The following TNRC6A variants were observed in gnomAD, a reference collection of about 807,000 sequenced individuals.
TNRC6A encodes the protein trinucleotide repeat-containing gene 6A protein.
A neutral mutation model predicts 221.2 loss-of-function variants in TNRC6A; 44 were observed. The observed-to-expected ratio is 0.20, with a 90% CI of 0.16 to 0.26. The LOEUF is 0.26. TNRC6A is among the 10% of genes least tolerant of loss of function. The probability of loss-of-function intolerance (pLI) is 1.00; values close to 1 mark genes in which losing one functional copy is unlikely to be tolerated. For synonymous variants in TNRC6A, 847 were observed against 838.5 expected (o/e 1.01, Z -0.18); for missense variants, 2,199 against 2,404.4 (o/e 0.91, Z 1.79).
chr16:24,777,206 A>G lies in TNRC6A; in HGVS notation c.437A>G (p.Lys146Arg), dbSNP rs766518156. 2.5e-6 allele frequency: 4 copies of G among 1,614,186 alleles called. No individual in the cohort carries two copies. The highest frequency in any genetic ancestry group is 1.3e-5 in the African/African-American group (1 of 75,034). Residue 146 changes from lysine to arginine, a missense_variant, in exon 5 of 25, where the codon AAA becomes AGA. Transcript: ENST00000395799. Reference sequence around the variant, plus strand: ...CCACGATTTCGCCACCAGGAACACAAACAGCTTCTAAAGAGGGGTCAGCAT... The same window carrying G: ...CCACGATTTCGCCACCAGGAACACAGACAGCTTCTAAAGAGGGGTCAGCAT... ...VPPRFRHQEH[K>R]QLLKRGQHFP...
chr16:24,612,352 A>T (rs1469838310), intron 1 of TNRC6A, among the ~76,000 whole-genome samples: 1 of 152,166 alleles, frequency 6.6e-6, no homozygotes, highest in Non-Finnish European at 1.5e-5. Flanking sequence ...TCATTAGGTC[A>T]CTTGCTTAAG....
intron 1 of TNRC6A, among the ~76,000 whole-genome samples, chr16:24,639,201 A>T (rs1319655979): frequency 1.3e-5 from 2 of 152,156 alleles, no homozygotes; most frequent in African/African-American, 4.8e-5. Context: ...GATGAGAAAG[A>T]CGGCTGCGTG....
intron 2 of TNRC6A, among the ~76,000 whole-genome samples, chr16:24,675,035 A>C (rs145502559): frequency 0.032 from 4,853 of 152,130 alleles, 275 homozygotes; most frequent in African/African-American, 0.11. Context: ...AGTCCCAGCT[A>C]CTCAGGAGGC....
chr16:24,729,861 G>A lies in TNRC6A; in HGVS notation c.5+15G>A. The stretch of plus-strand genomic sequence containing the variant: ...ACACACATGAGGTGAGCGGAACAAG[G>A]GCCTCCCTCCGGGCGGGAGGAGCCG... On this transcript the variant is annotated intron_variant, in intron 1 of 24. Transcript: ENST00000395799. The A allele has an allele frequency of 6.2e-6, 8 of 1,298,012 alleles. No individual in the cohort carries two copies. Among genetic ancestry groups the A allele is most frequent in the Non-Finnish European group, 7.9e-6 (8 of 1,012,702 alleles). 80.4% of individuals were successfully genotyped at this position (1,298,012 alleles called of 1,614,324 possible).
At chr16:24,699,722 CAAA>C (rs10713054) in intron 2 of TNRC6A, among the ~76,000 whole-genome samples, 3 of 96,498 alleles carry the variant, frequency 3.1e-5, no homozygotes, top group Admixed American at 1.0e-4. Flanking sequence ...CTGTCTCTAC[CAAA>C]AAAAAAAAAA....
intron 11 of TNRC6A, among the ~76,000 whole-genome samples, chr16:24,801,638 G>T (rs1482544523): frequency 6.7e-6 from 1 of 148,648 alleles, no homozygotes; most frequent in Non-Finnish European, 1.5e-5. Flanking sequence ...CGATTCTCCT[G>T]CCTCCACGCC....
At chr16:24,729,915 CGGCGGCGGCAGCAGA>C (rs1210036156) in intron 1 of TNRC6A, 69 bp downstream of exon 1, 28 of 1,191,906 alleles carry the variant, frequency 2.3e-5, no homozygotes, top group East Asian at 3.5e-5. Flanking sequence ...CCGCAACCCG[CGGCGGCGGCAGCAGA>C]GGCGGCGGCG....
intron 2 of TNRC6A, among the ~76,000 whole-genome samples, chr16:24,695,162 T>G (rs2055832739): frequency 6.6e-6 from 1 of 152,086 alleles, no homozygotes; most frequent in South Asian, 2.1e-4. Flanking sequence ...GCATTTCTGT[T>G]TTCCTCCTCT....
At chr16:24,661,284 A>C (rs961239636) in intron 2 of TNRC6A, 3 of 151,060 alleles carry the variant, frequency 2.0e-5, no homozygotes, top group Non-Finnish European at 4.4e-5. Context: ...TGGGTAAGGT[A>C]TGTCTTTGCT....
rs1360162531 is a variant in TNRC6A at position 24,795,766 on chromosome 16, A to G, written c.3529-141A>G. The G allele has an allele frequency of 1.1e-5, 7 of 646,514 alleles. No homozygotes were observed. The East Asian group carries it at 1.6e-4, about 15-fold the overall frequency. 40.0% of individuals were successfully genotyped at this position (646,514 alleles called of 1,614,324 possible). ...AAGATAGGACACTGATGAATTTGAG[A>G]CTGGAAAAGGTGGTGACTTGCCCAA... On this transcript the variant is annotated intron_variant, in intron 8 of 24. Coordinates refer to ENST00000395799, the MANE Select transcript of TNRC6A (RefSeq NM_014494.4).
intron 2 of TNRC6A, among the ~76,000 whole-genome samples, chr16:24,719,996 T>C (rs1277161364): frequency 6.6e-6 from 1 of 152,114 alleles, no homozygotes; most frequent in Non-Finnish European, 1.5e-5. Flanking sequence ...CTGAGGAAGT[T>C]ACATTTGGAT....
intron 2 of TNRC6A, among the ~76,000 whole-genome samples, chr16:24,724,275 C>T (rs2056457942): frequency 6.6e-6 from 1 of 152,142 alleles, no homozygotes; most frequent in Non-Finnish European, 1.5e-5. Flanking sequence ...TTATCATTTA[C>T]TATTTTAATA....
At position 24,804,539 on chromosome 16, in the gene TNRC6A, CT is replaced by C. The variant is rs1274929267; in HGVS notation, c.3838-161del. 6.6e-6 allele frequency: 8 copies of C among 1,208,284 alleles called. No homozygotes were observed. In the Admixed American group the frequency reaches 1.7e-4, roughly 25 times the overall value. 74.8% of individuals were successfully genotyped at this position (1,208,284 alleles called of 1,614,324 possible). Reference sequence around the variant, plus strand: ...TTAATCCCATGAAATATGTTTGGCTCTTTTTGTGTGCTCTAGAATTAACACT... The same window carrying C: ...TTAATCCCATGAAATATGTTTGGCTCTTTTGTGTGCTCTAGAATTAACACT... On this transcript the variant is annotated intron_variant, in intron 12 of 24. Coordinates refer to ENST00000395799, the MANE Select transcript of TNRC6A (RefSeq NM_014494.4).
chr16:24,703,754 T>G (rs568265502), intron 2 of TNRC6A, among the ~76,000 whole-genome samples: 1 of 152,214 alleles, frequency 6.6e-6, no homozygotes, highest in Non-Finnish European at 1.5e-5. Flanking sequence ...ACACCTAGAA[T>G]TAGAGTTGGT....
chr16:24,814,015 A>G (rs963751945), intron 18 of TNRC6A, among the ~76,000 whole-genome samples: 6 of 152,224 alleles, frequency 3.9e-5, no homozygotes, highest in African/African-American at 1.4e-4. Context: ...AATTCTGCTT[A>G]TAGAACAGAT....
At chr16:24,803,215 T>G (rs981672853) in intron 11 of TNRC6A, among the ~76,000 whole-genome samples, 5 of 152,106 alleles carry the variant, frequency 3.3e-5, no homozygotes, top group Admixed American at 1.3e-4. Context: ...GGTCAGGAGT[T>G]TGAGACCAGC....
chr16:24,778,633 A>G (rs767119252), intron 5 of TNRC6A, among the ~76,000 whole-genome samples: 7 of 151,998 alleles, frequency 4.6e-5, no homozygotes, highest in Non-Finnish European at 8.8e-5. Flanking sequence ...GTAGTACCCA[A>G]CCCTATAAGG....
At chr16:24,681,113 C>T (rs961076864) in intron 2 of TNRC6A, among the ~76,000 whole-genome samples, 3 of 151,962 alleles carry the variant, frequency 2.0e-5, no homozygotes, top group African/African-American at 7.3e-5. Flanking sequence ...TCCATGTTAG[C>T]CCCATCTCTC....
chr16:24,762,379 C>T (rs983287059), intron 4 of TNRC6A, among the ~76,000 whole-genome samples: 20 of 152,186 alleles, frequency 1.3e-4, no homozygotes, highest in Admixed American at 3.9e-4. Flanking sequence ...TTATAGCTGA[C>T]TTAGAGCACC....
Sources: allele counts gnomAD v4.1 joint callset (sites outside exome capture counted in the v4.1 genomes callset), GRCh38; gene constraint gnomAD v4.1.1; transcripts MANE v1.5; gene names NCBI Gene and HGNC (gene_info 2026-07-23, HGNC 2026-07-21).